Variants in MAML3 observed in about 807,000 individuals in gnomAD.
MAML3 encodes mastermind like transcriptional coactivator 3, also known as mastermind-like protein 3.
In MAML3, 27 loss-of-function variants were observed where a neutral mutation model predicts 101.9. The ratio of observed to expected loss-of-function variants is 0.27; its 90% CI spans 0.20 to 0.37. MAML3 has a LOEUF of 0.37. Ranked by LOEUF, MAML3 falls within the 10% of genes least tolerant of loss-of-function variation. MAML3 has a pLI of 1.00. For missense variants in MAML3, 1,316 were observed against 1,444.9 expected, an observed-to-expected ratio of 0.91 and a Z score of 1.45; for synonymous variants, 501 against 555.9, an observed-to-expected ratio of 0.90 and a Z score of 1.39.
chr4:139,744,414 C>T (rs1427148882), intron 2 of MAML3, among the ~76,000 whole-genome samples: 1 of 152,134 alleles, frequency 6.6e-6, no homozygotes, highest in Non-Finnish European at 1.5e-5. Flanking sequence ...ATACCACCCC[C>T]CAGGAGCATG....
intron 2 of MAML3, among the ~76,000 whole-genome samples, chr4:139,767,676 T>C (rs943374264): frequency 4.6e-5 from 7 of 152,236 alleles, no homozygotes; most frequent in Non-Finnish European, 8.8e-5. Flanking sequence ...TTAAATTTAT[T>C]CTCACATAGT....
intron 1 of MAML3, among the ~76,000 whole-genome samples, chr4:140,103,062 C>G (rs958948413): frequency 6.6e-6 from 1 of 152,152 alleles, no homozygotes; most frequent in Non-Finnish European, 1.5e-5. Context: ...AGAAACTCCC[C>G]GACGCCACTC....
intron 1 of MAML3, among the ~76,000 whole-genome samples, chr4:140,010,049 ATT>A (rs1189996510): frequency 1.3e-5 from 2 of 152,190 alleles, no homozygotes; most frequent in Non-Finnish European, 2.9e-5. Context: ...CATCCAAAAA[ATT>A]TTGTTTTCCA....
chr4:139,762,083 T>C (rs1400965093), intron 2 of MAML3, among the ~76,000 whole-genome samples: 1 of 152,138 alleles, frequency 6.6e-6, no homozygotes, highest in African/African-American at 2.4e-5. Context: ...GAAACTTGCA[T>C]GGATGAAGGA....
intron 1 of MAML3, among the ~76,000 whole-genome samples, chr4:140,042,200 A>C (rs1467226892): frequency 2.0e-5 from 3 of 152,216 alleles, no homozygotes; most frequent in African/African-American, 7.2e-5. Context: ...TGTGTGAATA[A>C]GTGAATGAAT....
intron 1 of MAML3, among the ~76,000 whole-genome samples, chr4:140,104,272 A>C (rs1728298426): frequency 7.0e-6 from 1 of 142,142 alleles, no homozygotes; most frequent in South Asian, 2.2e-4. Context: ...TATGGTCCCA[A>C]TATGCAGGAG....
intron 2 of MAML3, among the ~76,000 whole-genome samples, chr4:139,865,733 G>A (rs1232187336): frequency 6.6e-6 from 1 of 152,096 alleles, no homozygotes; most frequent in Non-Finnish European, 1.5e-5. Flanking sequence ...TTAGACATGC[G>A]CACTGAGGGG....
intron 2 of MAML3, among the ~76,000 whole-genome samples, chr4:139,791,070 A>G (rs1009026806): frequency 6.6e-6 from 1 of 152,238 alleles, no homozygotes. Context: ...GATAACTTAG[A>G]TAGATATTTT....
intron 2 of MAML3, among the ~76,000 whole-genome samples, chr4:139,748,223 G>C (rs533732623): frequency 6.6e-6 from 1 of 152,248 alleles, no homozygotes; most frequent in East Asian, 1.9e-4. Flanking sequence ...GCCTAAACAG[G>C]AAGATGGGAA....
chr4:139,952,650 G>A (rs748806556), intron 1 of MAML3, among the ~76,000 whole-genome samples: 3 of 152,230 alleles, frequency 2.0e-5, no homozygotes, highest in Admixed American at 6.5e-5. Flanking sequence ...CCTTTCAGCT[G>A]TGTAAATTTG....
intron 1 of MAML3, among the ~76,000 whole-genome samples, chr4:139,982,900 C>T (rs9992829): frequency 0.58 from 88,580 of 151,932 alleles, 26,969 homozygotes; most frequent in East Asian, 0.91. Context: ...TATCTGCACC[C>T]CCCTTAGGAA....
intron 2 of MAML3, among the ~76,000 whole-genome samples, chr4:139,784,465 C>CT (rs1352146731): frequency 6.6e-6 from 1 of 152,170 alleles, no homozygotes; most frequent in African/African-American, 2.4e-5. Flanking sequence ...CAGGCCCCTT[C>CT]TTTACCCACC....
chr4:139,921,698 C>T (rs1733133620), intron 1 of MAML3, among the ~76,000 whole-genome samples: 1 of 152,152 alleles, frequency 6.6e-6, no homozygotes, highest in African/African-American at 2.4e-5. Context: ...ACTACAATTC[C>T]TCCACTTTCC....
intron 1 of MAML3, among the ~76,000 whole-genome samples, chr4:140,042,640 A>C (rs1364140191): frequency 3.6e-5 from 1 of 27,486 alleles, no homozygotes; most frequent in Non-Finnish European, 2.7e-3. Flanking sequence ...TCTCAAAAAA[A>C]AGAAAAAAAA....
At chr4:139,802,109 T>G (rs1730619846) in intron 2 of MAML3, among the ~76,000 whole-genome samples, 2 of 152,198 alleles carry the variant, frequency 1.3e-5, no homozygotes, top group East Asian at 3.9e-4. Flanking sequence ...CAGAGTCTAG[T>G]GAAGGGGGAG....
At chr4:139,988,855 G>A (rs1359185447) in intron 1 of MAML3, among the ~76,000 whole-genome samples, 1 of 152,202 alleles carries the variant, frequency 6.6e-6, no homozygotes, top group African/African-American at 2.4e-5. Context: ...GGCTGAGGAA[G>A]TGAGAAGGAC....
rs149970598 is a variant in MAML3, at chr4:139,729,231, G to A, written c.2331+1185C>T. 2.4e-3 allele frequency among the ~76,000 whole-genome samples: 356 copies of A among 150,436 alleles called. 2 individuals are homozygous for A. The highest frequency in any genetic ancestry group is 8.3e-3 in the African/African-American group (338 of 40,966). ...AGTACAATTTTTCTCTTTGGGGGAT[G>A]CCTGGTGTTACTTTGAACTGCTATT... On this transcript the variant is annotated intron_variant, in intron 3 of 4. Coordinates refer to ENST00000509479, the MANE Select transcript of MAML3 (RefSeq NM_018717.5).
chr4:139,920,459 CAGA>C (rs945320890), intron 1 of MAML3, among the ~76,000 whole-genome samples: 2 of 152,164 alleles, frequency 1.3e-5, no homozygotes, highest in African/African-American at 4.8e-5. Flanking sequence ...CCAAAATCCA[CAGA>C]AAGAACATTC....
At chr4:140,134,056 G>A (rs1456263983) in intron 1 of MAML3, 2 of 453,682 alleles carry the variant, frequency 4.4e-6, no homozygotes, top group Non-Finnish European at 8.9e-6. Flanking sequence ...CAGGGAGGTT[G>A]TGACAGTTGT....
Sources: allele counts gnomAD v4.1 joint callset (sites outside exome capture counted in the v4.1 genomes callset), GRCh38; gene constraint gnomAD v4.1.1; transcripts MANE v1.5; gene names NCBI Gene and HGNC (gene_info 2026-07-23, HGNC 2026-07-21).